The following PTPRA variants were observed in gnomAD, a reference collection of about 807,000 sequenced individuals.
The protein encoded by PTPRA is receptor-type tyrosine-protein phosphatase alpha.
In PTPRA, 25 loss-of-function variants were observed where a neutral mutation model predicts 104.8. The observed-to-expected ratio is 0.24, with a 90% confidence interval of 0.17 to 0.33. PTPRA has a LOEUF of 0.33. PTPRA is among the 10% of genes least tolerant of loss of function. The pLI is 1.00. For missense variants in PTPRA, 765 were observed against 1,015.3 expected (o/e 0.75, Z 3.35); for synonymous variants, 323 against 368.9 (o/e 0.88, Z 1.43).
intron 13 of PTPRA, among the ~76,000 whole-genome samples, chr20:3,018,831 A>T (rs1178020): frequency 3.6e-5 from 1 of 27,926 alleles, no homozygotes; most frequent in African/African-American, 2.5e-4. Context: ...CCTCCCGGAC[A>T]GGGCGGCTGG....
chr20:2,937,943 T>C (rs913275152), intron 2 of PTPRA, among the ~76,000 whole-genome samples: 4 of 152,238 alleles, frequency 2.6e-5, no homozygotes, highest in African/African-American at 7.2e-5. Context: ...ATTGTTATTC[T>C]CCTATGAGTG....
intron 1 of PTPRA, among the ~76,000 whole-genome samples, chr20:2,901,050 T>C (rs6138934): frequency 0.043 from 6,460 of 151,836 alleles, 315 homozygotes; most frequent in Admixed American, 0.11. Flanking sequence ...CGGCTCACTG[T>C]GACCTCTGCC....
chr20:2,880,412 A>G lies in PTPRA; in HGVS notation c.-129+6652A>G, dbSNP rs560288185. On this transcript the variant is annotated intron_variant, in intron 1 of 23. Coordinates refer to ENST00000399903, the MANE Select transcript of PTPRA (RefSeq NM_001385305.1). ...GAAGAGACTGAATTCTGCAGTGAGC[A>G]GAGACATATTTATACATTTGTTCTC... Among the ~76,000 whole-genome samples, 11 of 152,350 alleles carry G rather than the reference A, an allele frequency of 7.2e-5. 1 individual carries two copies. The highest frequency in any genetic ancestry group is 2.6e-4 in the African/African-American group (11 of 41,580).
rs374184037 is a variant in PTPRA, at chr20:2,965,238, T to C, written c.415+36T>C. ...TGATTCTGTTTGTTCTTTTGCTCTTTGAGTTTAGTCTTCCTTTTATTATCT... is the reference window on the plus strand; with the variant it reads ...TGATTCTGTTTGTTCTTTTGCTCTTCGAGTTTAGTCTTCCTTTTATTATCT... On this transcript the variant is annotated intron_variant, in intron 5 of 23. Transcript: ENST00000399903. The C allele has an allele frequency of 1.6e-5, 25 of 1,519,654 alleles. No individual in the cohort carries two copies. The African/African-American group carries it at 2.4e-4, about 14-fold the overall frequency. 94.1% of individuals were successfully genotyped at this position (1,519,654 alleles called of 1,614,324 possible).
intron 9 of PTPRA, among the ~76,000 whole-genome samples, chr20:3,004,728 A>G (rs1000187582): frequency 3.3e-5 from 5 of 152,220 alleles, no homozygotes; most frequent in Non-Finnish European, 5.9e-5. Context: ...TCCCCATTCC[A>G]ATTTACAAGG....
At chr20:3,027,277 C>A in intron 19 of PTPRA, 80 bp downstream of exon 19, 1 of 1,354,714 alleles carries the variant, frequency 7.4e-7, no homozygotes, top group Non-Finnish European at 1.1e-6. Flanking sequence ...CCTCCCATAC[C>A]TGCTGGGGAG....
In PTPRA at chr20:2,911,636, C is replaced by T. The variant is rs2059726081; in HGVS notation, c.-128-11571C>T. Among the ~76,000 whole-genome samples, 6 of 152,128 alleles carry T rather than the reference C, an allele frequency of 3.9e-5. No individual in the cohort carries two copies. In the South Asian group the frequency reaches 1.2e-3, roughly 32 times the overall value. ...CTGATCAGGAGGATATTATGCTGAG[C>T]ATGGCTGGAAATAAATTTGTAGCAC... On this transcript the variant is annotated intron_variant, in intron 1 of 23. Coordinates refer to ENST00000399903, the MANE Select transcript of PTPRA (RefSeq NM_001385305.1).
chr20:2,937,126 TC>T (rs1568660754), intron 2 of PTPRA, among the ~76,000 whole-genome samples: 2 of 83,384 alleles, frequency 2.4e-5, no homozygotes, highest in African/African-American at 7.3e-5. Context: ...CCTTTCTTCT[TC>T]TTTTTTTTTT....
At chr20:3,008,802 A>G (rs2148327678) in intron 11 of PTPRA, among the ~76,000 whole-genome samples, 1 of 151,378 alleles carries the variant, frequency 6.6e-6, no homozygotes, top group South Asian at 2.1e-4. Flanking sequence ...AATCCCAGCT[A>G]CTTGGGAGAT....
At chr20:2,955,561 C>T in intron 3 of PTPRA, 1 of 914,298 alleles carries the variant, frequency 1.1e-6, no homozygotes, top group Non-Finnish European at 1.3e-6. Flanking sequence ...ATCACATTGC[C>T]TTTCTCAAGA....
chr20:3,026,724 G>A lies in PTPRA; in HGVS notation c.1652G>A (p.Arg551Gln), dbSNP rs368763897. Residue 551 changes from arginine (R) to glutamine (Q), a missense_variant, in exon 18 of 24, where the codon CGG becomes CAG. Around this residue, in one of 4 missense-constraint regions of PTPRA, gnomAD observed 192 missense variants for 227.0 expected, o/e 0.85. Transcript: ENST00000399903. Reference sequence around the variant, plus strand: ...ATCAAAATCCAGAATGACAAGATGCGGACTGGAAACCTTCCAGCCAACATG... The same window carrying A: ...ATCAAAATCCAGAATGACAAGATGCAGACTGGAAACCTTCCAGCCAACATG... ...TSIKIQNDKM[R>Q]TGNLPANMKK... is the part of the protein sequence containing the mutation. The A allele has an allele frequency of 2.5e-6, 4 of 1,613,256 alleles. No homozygotes were observed. The highest frequency in any genetic ancestry group is 2.2e-5 in the East Asian group (1 of 44,880).
At chr20:2,943,744 C>G (rs748996660) in intron 2 of PTPRA, among the ~76,000 whole-genome samples, 1 of 152,134 alleles carries the variant, frequency 6.6e-6, no homozygotes, top group Non-Finnish European at 1.5e-5. Context: ...TTGCATGTAG[C>G]CGAAAACACA....
chr20:2,866,458 A>G, the PTPRA span: 4 of 1,614,158 alleles, frequency 2.5e-6, no homozygotes, highest in Non-Finnish European at 2.5e-6. Context: ...AGATGTGGCC[A>G]TCGAACACCG....
intron 9 of PTPRA, among the ~76,000 whole-genome samples, chr20:2,991,485 G>A (rs1318943148): frequency 6.6e-6 from 1 of 152,196 alleles, no homozygotes; most frequent in East Asian, 1.9e-4. Context: ...CTGCTTCTGG[G>A]TGATGGGGTA....
chr20:2,993,336 G>A (rs1311392989), intron 9 of PTPRA, among the ~76,000 whole-genome samples: 1 of 152,172 alleles, frequency 6.6e-6, no homozygotes, highest in East Asian at 1.9e-4. Flanking sequence ...GAGGTGGCAG[G>A]CCACTGTATT....
intron 2 of PTPRA, among the ~76,000 whole-genome samples, chr20:2,946,082 T>C (rs1273351437): frequency 6.6e-6 from 1 of 152,102 alleles, no homozygotes; most frequent in Non-Finnish European, 1.5e-5. Flanking sequence ...GGGATAAGAA[T>C]GGGTCTACCA....
In PTPRA at chr20:2,969,978, T is replaced by TAATAAATAAATAAATAAATA. The variant is rs111309365; in HGVS notation, c.415+4793_415+4794insATAAATAAATAAATAAATAA. ...GAGCAAGACTCTCTCTCTAAATAAA[T>TAATAAATAAATAAATAAATA]AATAAATAAATAAATAACTCCTTTT... On this transcript the variant is annotated intron_variant, in intron 5 of 23. Coordinates refer to ENST00000399903, the MANE Select transcript of PTPRA (RefSeq NM_001385305.1). Among the ~76,000 whole-genome samples, 661 of 150,076 alleles carry TAATAAATAAATAAATAAATA rather than the reference T, an allele frequency of 4.4e-3. 3 individuals carry two copies. The highest frequency in any genetic ancestry group is 0.024 in the Middle Eastern group (7 of 290).
chr20:2,964,498 C>G, intron 4 of PTPRA, 148 bp downstream of exon 4: 1 of 683,892 alleles, frequency 1.5e-6, no homozygotes, highest in South Asian at 2.0e-5. Flanking sequence ...CTTCAGAAAT[C>G]TTGGAATTGA....
chr20:2,946,773 G>A (rs1056089592), intron 2 of PTPRA, among the ~76,000 whole-genome samples: 5 of 151,826 alleles, frequency 3.3e-5, no homozygotes, highest in East Asian at 1.9e-4. Flanking sequence ...GCTTGAACCC[G>A]GGAGGCAGAG....
Sources: gnomAD v4.1 joint callset for allele counts (sites outside exome capture counted in the v4.1 genomes callset) on GRCh38, gnomAD v4.1.1 for gene constraint, gnomAD v4.1.1 regional missense constraint, MANE v1.5 for transcripts, NCBI Gene and HGNC (gene_info 2026-07-23, HGNC 2026-07-21) for gene names.